HARS1: variants seen among roughly 807,000 people sequenced by gnomAD.
HARS1 encodes histidine--tRNA ligase, cytoplasmic.
In HARS1, 45 loss-of-function variants were observed where a neutral mutation model predicts 63.6. The observed-to-expected ratio is 0.71, with a 90% CI of 0.56 to 0.91. HARS1 has a LOEUF of 0.91. Ranked by LOEUF, HARS1 falls within the 40% of genes least tolerant of loss-of-function variation. The probability of loss-of-function intolerance (pLI) is 0.00; values close to 1 mark genes in which losing one functional copy is unlikely to be tolerated. For synonymous variants in HARS1, 205 were observed against 247.1 expected, an observed-to-expected ratio of 0.83 and a Z score of 1.60; for missense variants, 508 against 643.2, an observed-to-expected ratio of 0.79 and a Z score of 2.27.
In HARS1 at chr5:140,674,998, T is replaced by C. The variant is rs767418526; in HGVS notation, c.1311+19A>G. On this transcript the variant is annotated intron_variant, in intron 11 of 12. Coordinates refer to ENST00000504156, the MANE Select transcript of HARS1 (RefSeq NM_002109.6). ...AGCACACCTAAGTTTGCTGCCACCC[T>C]GGGGCTTGCCTCCCATACCTTGATC... is the stretch of plus-strand genomic sequence containing the variant. 7 of 1,556,082 alleles carry C rather than the reference T, an allele frequency of 4.5e-6. No homozygotes were observed. In the Admixed American group the frequency reaches 8.3e-5, roughly 19 times the overall value.
chr5:140,687,905 C>T (rs1357436320), intron 2 of HARS1: 1 of 152,152 alleles, frequency 6.6e-6, no homozygotes, highest in African/African-American at 2.4e-5. Flanking sequence ...GAATTCAAGA[C>T]CAGCGCAGCC....
At chr5:140,683,290 TA>T (rs1036789940) in intron 2 of HARS1, 71 bp from the exon 3 acceptor site, 38 of 1,498,786 alleles carry the variant, frequency 2.5e-5, no homozygotes, top group Non-Finnish European at 3.4e-5. Flanking sequence ...TTTGGAAATA[TA>T]AAAGGATGAC....
chr5:140,685,381 G>A, intron 2 of HARS1: 1 of 152,114 alleles, frequency 6.6e-6, no homozygotes, highest in Non-Finnish European at 1.5e-5. Flanking sequence ...AATGGTGATG[G>A]TTATGAGTAT....
rs756399458 is a variant in HARS1, at chr5:140,674,759, T to G, written c.1378A>C (p.Ile460Leu). 1 of 1,614,178 alleles carries G rather than the reference T, an allele frequency of 6.2e-7. No homozygotes were observed. Among genetic ancestry groups the G allele is most frequent in the South Asian group, 1.1e-5 (1 of 91,080 alleles). ...TCGCCGATGATAGCCACCAGTGGGA[T>G]GCCTGCCTCCTCACAGTACTGTAAC... is the stretch of plus-strand genomic sequence containing the variant. ...NQLQYCEEAG[I>L]PLVAIIGEQE... The change falls in exon 12 of 13, where the codon ATC becomes CTC. Residue 460 changes from isoleucine (I) to leucine (L), a missense_variant. This residue lies in a region of HARS1 where 403 missense variants were observed against 548.7 expected (regional missense o/e 0.73). Transcript: ENST00000504156.
chr5:140,683,016 G>T, intron 3 of HARS1, 84 bp downstream of exon 3: 1 of 1,334,268 alleles, frequency 7.5e-7, no homozygotes, highest in East Asian at 2.4e-5. Flanking sequence ...GGGCCCTTTG[G>T]ACCCTCACTC....
At chr5:140,677,827 G>C (rs1453020227) in intron 6 of HARS1, 74 bp from the exon 7 acceptor site, 9 of 1,375,498 alleles carry the variant, frequency 6.5e-6, no homozygotes, top group African/African-American at 1.4e-5. Flanking sequence ...GGTCACTTAG[G>C]CTACTGGTCC....
chr5:140,675,210 T>G, intron 10 of HARS1, 77 bp from the exon 11 acceptor site: 1 of 943,624 alleles, frequency 1.1e-6, no homozygotes, highest in South Asian at 1.3e-5. Context: ...GTCGGGATTT[T>G]GAGACCAGGC....
In HARS1 at chr5:140,674,268, A is replaced by C. The variant is rs150090766; in HGVS notation, c.1519T>G (p.Cys507Gly). The C allele has an allele frequency of 1.9e-6, 3 of 1,607,144 alleles. No homozygotes were observed. The highest frequency in any genetic ancestry group is 2.6e-6 in the Non-Finnish European group (3 of 1,173,662). Residue 507 changes from cysteine (C) to glycine (G), a missense_variant, in exon 13 of 13, where the codon TGC becomes GGC. Physicochemically the swap from Cys to Gly is radical, Grantham distance 159. Coordinates refer to ENST00000504156, the MANE Select transcript of HARS1 (RefSeq NM_002109.6). ...ATAGTTTGTTCAGTTCAGCAGATGCAGAGGGGCTGGCCTGTTCTCCTTTTG... is the reference window on the plus strand; with the variant it reads ...ATAGTTTGTTCAGTTCAGCAGATGCCGAGGGGCTGGCCTGTTCTCCTTTTG... ...EIKRRTGQPLCIC is the reference protein window; with the variant it reads ...EIKRRTGQPLGIC
chr5:140,690,851 T>G lies in HARS1; in HGVS notation c.180+4A>C. On this transcript the variant is annotated splice_donor_region_variant and intron_variant, in intron 2 of 12. Transcript: ENST00000504156. ...TCAGTGGCTCCCTACAGGAATGATATTACCTTGGGGGTTTTGAGCACAAAT... is the reference window on the plus strand; with the variant it reads ...TCAGTGGCTCCCTACAGGAATGATAGTACCTTGGGGGTTTTGAGCACAAAT... 1.3e-6 allele frequency: 2 copies of G among 1,528,586 alleles called. No individual in the cohort carries two copies. Among genetic ancestry groups the G allele is most frequent in the Non-Finnish European group, 1.8e-6 (2 of 1,101,712 alleles). The allele number at this position is 1,528,586 out of a possible 1,614,324, so 94.7% of individuals were successfully genotyped here.
intron 12 of HARS1, 40 bp from the exon 13 acceptor site, chr5:140,674,368 C>T (rs1561999438): frequency 1.5e-6 from 2 of 1,311,566 alleles, no homozygotes; most frequent in South Asian, 2.4e-5. Context: ...AAGCATCTTC[C>T]ATTCCACTGC....
At chr5:140,682,496 A>G (rs1758782256) in intron 3 of HARS1, among the ~76,000 whole-genome samples, 2 of 152,188 alleles carry the variant, frequency 1.3e-5, no homozygotes, top group Admixed American at 6.5e-5. Context: ...GGGTTGTACT[A>G]TAAGTGCAGT....
At chr5:140,688,086 A>G (rs979206516) in intron 2 of HARS1, among the ~76,000 whole-genome samples, 4 of 151,962 alleles carry the variant, frequency 2.6e-5, no homozygotes, top group Admixed American at 2.6e-4. Flanking sequence ...CCTGGGCGAC[A>G]GAGCAAGACT....
At position 140,679,192 on chromosome 5, in the gene HARS1, A is replaced by G. The variant is rs1383082749; in HGVS notation, c.397-65T>C. 32 of 1,562,316 alleles carry G rather than the reference A, an allele frequency of 2.0e-5. No homozygotes were observed. Among genetic ancestry groups the G allele is most frequent in the Non-Finnish European group, 2.8e-5 (32 of 1,137,712 alleles). Reference sequence around the variant, plus strand: ...TGTCTGCAAGTTGATTATCATCACCAACAGAAGCTGGGGTCTAACCCCTCC... The same window carrying G: ...TGTCTGCAAGTTGATTATCATCACCGACAGAAGCTGGGGTCTAACCCCTCC... On this transcript the variant is annotated intron_variant, in intron 4 of 12. Transcript: ENST00000504156. The surrounding 1 kb of genome is among the most constrained non-coding windows in gnomAD (Gnocchi z 4.3).
rs767871289 is a variant in HARS1 at position 140,676,734 on chromosome 5, G to A, written c.1114C>T (p.Pro372Ser). The change falls in exon 10 of 13, where the codon CCC becomes TCC. Residue 372 changes from proline (P) to serine (S), a missense_variant. By Grantham distance (74) the Pro-to-Ser change is moderately conservative. Transcript: ENST00000504156. The surrounding 1 kb of genome is among the most constrained non-coding windows in gnomAD (Gnocchi z 4.1). ...ACACATGGCACCTTGCGCCCTTTGG[G>A]GTCGAACATGCCCACTAGCCCATCA... ...RYDGLVGMFD[P>S]KGRKVPCVGL... 1 of 1,614,190 alleles carries A rather than the reference G, an allele frequency of 6.2e-7. No homozygotes were observed. Among genetic ancestry groups the A allele is most frequent in the Non-Finnish European group, 8.5e-7 (1 of 1,180,030 alleles).
rs1416128366 is a variant in HARS1 at position 140,676,977 on chromosome 5, A to G, written c.951+12T>C. 1.3e-5 allele frequency: 21 copies of G among 1,614,230 alleles called. No individual in the cohort carries two copies. Among genetic ancestry groups the G allele is most frequent in the Non-Finnish European group, 1.7e-5 (20 of 1,180,040 alleles). On this transcript the variant is annotated intron_variant, in intron 9 of 12. Transcript: ENST00000504156. This position sits in a 1 kb window ranked among gnomAD's most constrained non-coding sequence, Gnocchi z 4.1. ...AGAGCTCAGAAGGGATCCCGTCCCC[A>G]ACTTGACTCACTTTGTCATCAATGC...
chr5:140,683,103 T>C lies in HARS1; in HGVS notation c.297A>G (p.Leu99=). 6.2e-7 allele frequency: 1 copy of C among 1,613,560 alleles called. No homozygotes were observed. Reference sequence around the variant, plus strand: ...TTTCTTCTTGCCCATTCCTCACCTTTAGTTCAAATACAGGTGTATCAATGA... The same window carrying C: ...TTTCTTCTTGCCCATTCCTCACCTTCAGTTCAAATACAGGTGTATCAATGA... The part of the protein sequence containing the change: ...AEVIDTPVFE[L]KETLMGKYGE... The change falls in exon 3 of 13, where the codon CTA becomes CTG. Residue 99 remains leucine, a synonymous_variant. Coordinates refer to ENST00000504156, the MANE Select transcript of HARS1 (RefSeq NM_002109.6).
chr5:140,677,778 G>A (rs768104024), intron 6 of HARS1, 25 bp from the exon 7 acceptor site: 1 of 1,504,010 alleles, frequency 6.6e-7, no homozygotes, highest in Admixed American at 1.7e-5. Context: ...TGCATAGTGA[G>A]GGGGGAATCT....
chr5:140,684,388 T>C, intron 2 of HARS1: 2 of 984,364 alleles, frequency 2.0e-6, no homozygotes, highest in Non-Finnish European at 2.4e-6. Flanking sequence ...CAACTCAAAC[T>C]GGCTCAACTA....
At chr5:140,681,439 C>T (rs772321881) in intron 3 of HARS1, among the ~76,000 whole-genome samples, 4 of 151,808 alleles carry the variant, frequency 2.6e-5, no homozygotes, top group African/African-American at 7.3e-5. Flanking sequence ...CTGGGGTGGG[C>T]GAATCACTGG....
Sources: allele counts gnomAD v4.1 joint callset (sites outside exome capture counted in the v4.1 genomes callset), GRCh38; gene constraint gnomAD v4.1.1; regional missense constraint gnomAD v4.1.1; non-coding constraint Gnocchi (gnomAD v3.1); transcripts MANE v1.5; gene names NCBI Gene and HGNC (gene_info 2026-07-23, HGNC 2026-07-21).